The following DNAAF9 variants were observed in gnomAD, a reference collection of about 807,000 sequenced individuals.
DNAAF9 encodes the protein shulin.
DNAAF9 carries 90 observed loss-of-function variants against 167.0 expected under a neutral mutation model. That is an observed-to-expected ratio of 0.54 (90% CI 0.45 to 0.64). The LOEUF is 0.64. Ranked by LOEUF, DNAAF9 falls within the 30% of genes least tolerant of loss-of-function variation. The pLI is 0.00. For missense variants in DNAAF9, 1,315 were observed against 1,442.2 expected (o/e 0.91, Z 1.43); for synonymous variants, 491 against 508.8 (o/e 0.96, Z 0.47).
rs376059863 is a variant in DNAAF9 at position 3,317,309 on chromosome 20, C to A, written c.1469-516G>T. Among the ~76,000 whole-genome samples the A allele has an allele frequency of 2.9e-3, 418 of 146,172 alleles. 1 individual carries two copies. Among genetic ancestry groups the A allele is most frequent in the African/African-American group, 0.01 (404 of 39,218 alleles). On this transcript the variant is annotated intron_variant, in intron 17 of 36. Transcript: ENST00000252032. ...CCAGGAGGTGGAGGTTGCAGTGAAC[C>A]GAGATTATGCCACCACACTCCAGCC...
At chr20:3,384,379 G>T (rs115001631) in intron 1 of DNAAF9, 9 of 152,138 alleles carry the variant, frequency 5.9e-5, no homozygotes. Context: ...ACTGCCATTC[G>T]TCACTGATGA....
intron 10 of DNAAF9, among the ~76,000 whole-genome samples, chr20:3,335,617 TGTG>T (rs762659543): frequency 1.0e-4 from 15 of 148,764 alleles, no homozygotes; most frequent in Non-Finnish European, 1.9e-4. Flanking sequence ...ATTAGCCAGG[TGTG>T]GTGGTGGGCA....
At chr20:3,318,497 G>A in intron 16 of DNAAF9, 97 bp from the exon 17 acceptor site, 2 of 670,750 alleles carry the variant, frequency 3.0e-6, no homozygotes, top group African/African-American at 1.8e-5. Context: ...AAAGGAACAT[G>A]GCAAAAGAGT....
At chr20:3,362,359 A>G in intron 6 of DNAAF9, 1 of 602,258 alleles carries the variant, frequency 1.7e-6, no homozygotes, top group Non-Finnish European at 2.9e-6. Flanking sequence ...GTTTATTAAT[A>G]ATTATTGTTT....
At chr20:3,273,766 T>G (rs6037527) in intron 29 of DNAAF9, among the ~76,000 whole-genome samples, 38,016 of 152,080 alleles carry the variant, frequency 0.25, 5,349 homozygotes, top group African/African-American at 0.37. Flanking sequence ...ATATCAGAAG[T>G]GTTCACAAAG....
intron 12 of DNAAF9, among the ~76,000 whole-genome samples, chr20:3,328,654 G>A (rs776624610): frequency 1.3e-4 from 20 of 152,252 alleles, no homozygotes; most frequent in Middle Eastern, 3.4e-3. Flanking sequence ...CAGGACAGTG[G>A]CTAAGCAGCG....
At position 3,249,687 on chromosome 20, in the gene DNAAF9, A is replaced by T. The variant is rs1470314028; in HGVS notation, c.*2885T>A. 2.0e-5 allele frequency: 3 copies of T among 152,244 alleles called. No homozygotes were observed. The highest frequency in any genetic ancestry group is 7.2e-5 in the African/African-American group (3 of 41,470). The allele number at this position is 152,244 out of a possible 1,614,324, so 9.4% of individuals were successfully genotyped here. ...TTTTTTGAGGTACAACTATCCAACT[A>T]GATCAGCAACACGGCTGGAATACTT... On this transcript the variant is annotated 3_prime_UTR_variant, in exon 37 of 37. Coordinates refer to ENST00000252032, the MANE Select transcript of DNAAF9 (RefSeq NM_001009984.3).
rs987838849 is a variant in DNAAF9, at chr20:3,298,948, G to A, written c.1783-773C>T. Among the ~76,000 whole-genome samples the A allele has an allele frequency of 5.4e-5, 7 of 129,524 alleles. No homozygotes were observed. The East Asian group carries it at 6.6e-4, about 12-fold the overall frequency. The allele number at this position is 129,524 out of a possible 152,430, so 85.0% of individuals were successfully genotyped here. On this transcript the variant is annotated intron_variant, in intron 21 of 36. Coordinates refer to ENST00000252032, the MANE Select transcript of DNAAF9 (RefSeq NM_001009984.3). ...TTTTGAGATGGAGTCTCACTCTGTC[G>A]TCCAGGCTGGAGTGCAAAAGCATGA...
intron 30 of DNAAF9, among the ~76,000 whole-genome samples, chr20:3,264,726 T>C: frequency 6.6e-6 from 1 of 152,200 alleles, no homozygotes; most frequent in Non-Finnish European, 1.5e-5. Context: ...TGTGCCATCA[T>C]ACCCAGGTAA....
At position 3,252,130 on chromosome 20, in the gene DNAAF9, C is replaced by T. The variant is rs1240469710; in HGVS notation, c.*442G>A. 1 of 157,620 alleles carries T rather than the reference C, an allele frequency of 6.3e-6. No individual in the cohort carries two copies. Among genetic ancestry groups the T allele is most frequent in the Non-Finnish European group, 1.4e-5 (1 of 71,638 alleles). The allele number at this position is 157,620 out of a possible 1,614,324, so 9.8% of individuals were successfully genotyped here. Reference sequence around the variant, plus strand: ...AGGCACTCCACTGGGGAAGATGGCTCTCGTGGAGCAGCATCTGAGGCTTGA... The same window carrying T: ...AGGCACTCCACTGGGGAAGATGGCTTTCGTGGAGCAGCATCTGAGGCTTGA... On this transcript the variant is annotated 3_prime_UTR_variant, in exon 37 of 37. Coordinates refer to ENST00000252032, the MANE Select transcript of DNAAF9 (RefSeq NM_001009984.3).
intron 10 of DNAAF9, among the ~76,000 whole-genome samples, chr20:3,340,001 C>T (rs1157514618): frequency 8.5e-5 from 13 of 152,302 alleles, no homozygotes; most frequent in Admixed American, 7.2e-4. Context: ...TAGACTTTCA[C>T]AATCTAAGTC....
At chr20:3,363,518 T>G (rs957263181) in intron 6 of DNAAF9, among the ~76,000 whole-genome samples, 1 of 147,036 alleles carries the variant, frequency 6.8e-6, no homozygotes. Flanking sequence ...AAAAGATTAA[T>G]GCAAAGCAAA....
rs368934601 is a variant in DNAAF9, at chr20:3,311,679, G to A, written c.1678+3354C>T. Among the ~76,000 whole-genome samples, 20 of 152,252 alleles carry A rather than the reference G, an allele frequency of 1.3e-4. 3 individuals are homozygous for A. The highest frequency in any genetic ancestry group is 1.1e-3 in the Admixed American group (17 of 15,306). On this transcript the variant is annotated intron_variant, in intron 20 of 36. Coordinates refer to ENST00000252032, the MANE Select transcript of DNAAF9 (RefSeq NM_001009984.3). ...ATACAACAAACTGGATGAATCCTAGGAATACTGAGCAAAAAAAGCAGGTCT... is the reference window on the plus strand; with the variant it reads ...ATACAACAAACTGGATGAATCCTAGAAATACTGAGCAAAAAAAGCAGGTCT...
chr20:3,320,517 C>G (rs7267023), intron 16 of DNAAF9, among the ~76,000 whole-genome samples: 9,444 of 152,194 alleles, frequency 0.062, 375 homozygotes, highest in Non-Finnish European at 0.082. Context: ...GCTCAAGAGT[C>G]TAAGGAGAGA....
chr20:3,340,467 T>G, intron 10 of DNAAF9, 37 bp downstream of exon 10: 1 of 394,866 alleles, frequency 2.5e-6, no homozygotes, highest in Non-Finnish European at 3.9e-6. Context: ...AACTTGATAA[T>G]AAAACTAATC....
In DNAAF9 at chr20:3,375,199, T is replaced by C. The variant is rs2083559759; in HGVS notation, c.409-73A>G. The C allele has an allele frequency of 1.9e-5, 18 of 968,984 alleles. No individual in the cohort carries two copies. In the South Asian group the frequency reaches 2.4e-4, roughly 13 times the overall value. The allele number at this position is 968,984 out of a possible 1,614,324, so 60.0% of individuals were successfully genotyped here. ...CAAATTCCCATATTTTCTCTGCATT[T>C]TGTCAACCAGAGTTGTCCCAAATGA... On this transcript the variant is annotated intron_variant, in intron 4 of 36. Coordinates refer to ENST00000252032, the MANE Select transcript of DNAAF9 (RefSeq NM_001009984.3).
chr20:3,284,484 C>T (rs1334358382), intron 27 of DNAAF9, among the ~76,000 whole-genome samples: 1 of 151,638 alleles, frequency 6.6e-6, no homozygotes, highest in East Asian at 1.9e-4. Flanking sequence ...GGCCAGGCTA[C>T]AGCTTGTACC....
At chr20:3,309,207 TTA>T (rs528450247) in intron 20 of DNAAF9, among the ~76,000 whole-genome samples, 76 of 152,034 alleles carry the variant, frequency 5.0e-4, no homozygotes, top group Non-Finnish European at 7.8e-4. Flanking sequence ...TTTCCTGAAA[TTA>T]TGTTAAATTT....
chr20:3,404,550 A>C (rs2084030645), intron 1 of DNAAF9, among the ~76,000 whole-genome samples: 2 of 152,084 alleles, frequency 1.3e-5, no homozygotes, highest in Non-Finnish European at 2.9e-5. Flanking sequence ...GCCTTCTTGT[A>C]TTATTGTTCT....
Sources: allele counts gnomAD v4.1 joint callset (sites outside exome capture counted in the v4.1 genomes callset), GRCh38; gene constraint gnomAD v4.1.1; transcripts MANE v1.5; gene names NCBI Gene and HGNC (gene_info 2026-07-23, HGNC 2026-07-21).